Variants in C9 observed in about 807,000 individuals in gnomAD.
C9 encodes complement component C9.
C9 carries 63 observed loss-of-function variants against 65.4 expected under a neutral mutation model. The ratio of observed to expected loss-of-function variants is 0.96; its 90% CI spans 0.79 to 1.19. The LOEUF (loss-of-function observed/expected upper bound fraction) is 1.19. Ranked by LOEUF, C9 falls within the 50% of genes most tolerant of loss-of-function variation. The pLI is 0.00. For synonymous variants in C9, 229 were observed against 227.9 expected (o/e 1.00, Z -0.04); for missense variants, 744 against 670.1 (o/e 1.11, Z -1.22).
intron 9 of C9, among the ~76,000 whole-genome samples, chr5:39,292,806 A>G (rs1753119546): frequency 7.0e-6 from 1 of 143,770 alleles, no homozygotes; most frequent in African/African-American, 2.5e-5. Context: ...AGGCAGCATA[A>G]TATCATTTGA....
chr5:39,293,152 A>G (rs1187861305), intron 9 of C9, among the ~76,000 whole-genome samples: 2 of 152,062 alleles, frequency 1.3e-5, no homozygotes, highest in East Asian at 3.9e-4. Context: ...AAGAAACAAA[A>G]GATATTCAGA....
At chr5:39,337,723 G>A (rs1003764292) in intron 4 of C9, among the ~76,000 whole-genome samples, 5 of 152,338 alleles carry the variant, frequency 3.3e-5, no homozygotes, top group African/African-American at 1.2e-4. Flanking sequence ...AAGATGGGTT[G>A]GGGGATTTCC....
rs752567162 is a variant in C9, at chr5:39,318,182, T to A, written c.616-2153A>T. 5.9e-5 allele frequency among the ~76,000 whole-genome samples: 9 copies of A among 152,232 alleles called. No homozygotes were observed. The South Asian group carries it at 8.3e-4, about 14-fold the overall frequency. ...TGTTGGTATATAGGAATGGTAGCAA[T>A]TTTTGCCCATTAATTTTGCATCCTG... On this transcript the variant is annotated intron_variant, in intron 5 of 10. Coordinates refer to ENST00000263408, the MANE Select transcript of C9 (RefSeq NM_001737.5).
Position 39,309,376 on chromosome 5 carries a change from T to C in C9, c.1112-1018A>G, listed in dbSNP as rs1371324678. On this transcript the variant is annotated intron_variant, in intron 7 of 10. Transcript: ENST00000263408. ...AATGAAATGAGGTTAATCATGGGGT[T>C]CTACAAGGAGTATCAGGGGTAGACA... Among the ~76,000 whole-genome samples, 5 of 152,228 alleles carry C rather than the reference T, an allele frequency of 3.3e-5. No individual in the cohort carries two copies. The East Asian group carries it at 9.6e-4, about 29-fold the overall frequency.
intron 5 of C9, among the ~76,000 whole-genome samples, chr5:39,322,737 G>A (rs1753684516): frequency 6.6e-6 from 1 of 152,082 alleles, no homozygotes; most frequent in East Asian, 1.9e-4. Context: ...GCCTGCAATG[G>A]TTGCATTTGT....
intron 9 of C9, among the ~76,000 whole-genome samples, chr5:39,300,516 G>A (rs1472489255): frequency 1.3e-5 from 2 of 151,718 alleles, no homozygotes; most frequent in Non-Finnish European, 2.9e-5. Flanking sequence ...CAAAACTTGA[G>A]GACACAAACA....
Position 39,285,069 on chromosome 5 carries a change from A to ACTTC in C9, c.*126_*129dup. On this transcript the variant is annotated 3_prime_UTR_variant, in exon 11 of 11. Transcript: ENST00000263408. Reference sequence around the variant, plus strand: ...AAATTATAGACCTAAGAGAGAAGAGACTTCAGAGGTTGGTAGGATTTTCAT... The same window carrying ACTTC: ...AAATTATAGACCTAAGAGAGAAGAGACTTCCTTCAGAGGTTGGTAGGATTTTCAT... 1 of 777,814 alleles carries ACTTC rather than the reference A, an allele frequency of 1.3e-6. No individual in the cohort carries two copies. Among genetic ancestry groups the ACTTC allele is most frequent in the Non-Finnish European group, 2.3e-6 (1 of 438,052 alleles). The allele number at this position is 777,814 out of a possible 1,614,324, so 48.2% of individuals were successfully genotyped here.
intron 9 of C9, among the ~76,000 whole-genome samples, chr5:39,295,053 A>G (rs919505735): frequency 4.0e-5 from 6 of 151,800 alleles, no homozygotes; most frequent in Admixed American, 2.0e-4. Flanking sequence ...GTATAGAATA[A>G]AAGTAATTAA....
chr5:39,310,663 AT>A (rs1232200462), intron 7 of C9, among the ~76,000 whole-genome samples: 2 of 152,136 alleles, frequency 1.3e-5, no homozygotes, highest in Admixed American at 6.6e-5. Context: ...TTGCTTTAAG[AT>A]GTTAGATTTA....
intron 3 of C9, 72 bp downstream of exon 3, chr5:39,341,484 T>A: frequency 6.4e-7 from 1 of 1,551,364 alleles, no homozygotes; most frequent in Non-Finnish European, 8.9e-7. Context: ...CAGAAGCATA[T>A]GCTTTTTTTT....
intron 9 of C9, among the ~76,000 whole-genome samples, chr5:39,302,879 C>T (rs265711): frequency 0.43 from 64,859 of 151,940 alleles, 14,725 homozygotes; most frequent in East Asian, 0.64. Context: ...AAGAACTCAC[C>T]TGATTCCCAA....
chr5:39,311,477 T>C, intron 6 of C9, 100 bp from the exon 7 acceptor site: 1 of 1,161,480 alleles, frequency 8.6e-7, no homozygotes, highest in East Asian at 2.3e-5. Flanking sequence ...CTAAATGTTT[T>C]AGCAGTGACC....
At chr5:39,331,515 A>G (rs898331408) in intron 5 of C9, among the ~76,000 whole-genome samples, 161 bp downstream of exon 5, 4 of 152,186 alleles carry the variant, frequency 2.6e-5, no homozygotes, top group Non-Finnish European at 5.9e-5. Context: ...ACACAATTGT[A>G]TGTTTCTAAA....
chr5:39,347,334 C>A (rs1185269726), intron 1 of C9, among the ~76,000 whole-genome samples: 1 of 152,156 alleles, frequency 6.6e-6, no homozygotes, highest in Non-Finnish European at 1.5e-5. Flanking sequence ...TCTCAGGATA[C>A]AAAATCAATG....
intron 1 of C9, among the ~76,000 whole-genome samples, chr5:39,359,019 T>TAAATAAAAA (rs1269752220): frequency 6.1e-4 from 10 of 16,526 alleles, no homozygotes; most frequent in African/African-American, 2.1e-3. Context: ...AAATAAAAAA[T>TAAATAAAAA]ATATATATAT....
At chr5:39,319,852 T>A (rs1753636084) in intron 5 of C9, among the ~76,000 whole-genome samples, 1 of 152,066 alleles carries the variant, frequency 6.6e-6, no homozygotes, top group Admixed American at 6.5e-5. Context: ...TAGGTTGACC[T>A]CTATGGATAC....
At chr5:39,352,473 C>T (rs1754339490) in intron 1 of C9, among the ~76,000 whole-genome samples, 1 of 152,196 alleles carries the variant, frequency 6.6e-6, no homozygotes, top group African/African-American at 2.4e-5. Context: ...ATATGCTTCT[C>T]CCTTGTATTT....
At position 39,311,010 on chromosome 5, in the gene C9, G is replaced by T. The variant is rs12522871; in HGVS notation, c.1111+127C>A. The T allele has an allele frequency of 8.0e-3, 8,161 of 1,025,738 alleles. 508 individuals are homozygous for T. In the Admixed American group the frequency reaches 0.12, roughly 15 times the overall value. 63.5% of individuals were successfully genotyped at this position (1,025,738 alleles called of 1,614,324 possible). A position where few individuals can be genotyped will look rare whatever the true frequency, so the allele number is the denominator to read the frequency against. On this transcript the variant is annotated intron_variant, in intron 7 of 10. Transcript: ENST00000263408. ...TTAGGTGCCAAAGGGCAGGAAGAGA[G>T]TCCTCTCAAAGGAGCAGGTTACAGG... is the stretch of plus-strand genomic sequence containing the variant.
chr5:39,332,113 T>C (rs2111930401), intron 4 of C9, among the ~76,000 whole-genome samples: 1 of 152,312 alleles, frequency 6.6e-6, no homozygotes, highest in South Asian at 2.1e-4. Context: ...AGTTTTAACT[T>C]CACTGCTGTA....
Sources: allele counts gnomAD v4.1 joint callset (sites outside exome capture counted in the v4.1 genomes callset), GRCh38; gene constraint gnomAD v4.1.1; transcripts MANE v1.5; gene names NCBI Gene and HGNC (gene_info 2026-07-23, HGNC 2026-07-21).